The following BLTP1 variants were observed in gnomAD, a reference collection of about 807,000 sequenced individuals.
BLTP1 encodes bridge-like lipid transfer protein family member 1, also known as fragile site-associated protein.
At chr4:122,242,359 T>A in the BLTP1 span, among the ~76,000 whole-genome samples, 1 of 152,054 alleles carries the variant, frequency 6.6e-6, no homozygotes, top group Non-Finnish European at 1.5e-5. Flanking sequence ...CTCTGTTAAG[T>A]GAAATAAGTA....
the BLTP1 span, chr4:122,347,891 T>C: frequency 8.8e-5 from 57 of 644,978 alleles, no homozygotes; most frequent in Admixed American, 3.0e-4. Flanking sequence ...GAGGTTTTTA[T>C]GACACGTCAA....
the BLTP1 span, chr4:122,239,792 A>T: frequency 6.2e-7 from 1 of 1,614,200 alleles, no homozygotes; most frequent in Admixed American, 1.7e-5. Context: ...ATACACCATC[A>T]GCAGACTCTA....
At chr4:122,271,365 G>A in the BLTP1 span, 5 of 1,613,664 alleles carry the variant, frequency 3.1e-6, no homozygotes, top group African/African-American at 2.7e-5. Flanking sequence ...AGAAAACATC[G>A]GGACTTTCGT....
At chr4:122,250,052 A>G in the BLTP1 span, 1 of 846,028 alleles carries the variant, frequency 1.2e-6, no homozygotes, top group Non-Finnish European at 1.4e-6. Context: ...TCAGCGAAAA[A>G]TATCTACTTA....
At chr4:122,273,305 TA>T in the BLTP1 span, 1 of 983,984 alleles carries the variant, frequency 1.0e-6, no homozygotes, top group South Asian at 4.7e-5. Context: ...CTCAAAAAAC[TA>T]ATTTTAAATT....
the BLTP1 span, chr4:122,292,396 T>G: frequency 1.2e-6 from 1 of 829,802 alleles, no homozygotes; most frequent in Non-Finnish European, 1.5e-6. Flanking sequence ...CTCTAGACAT[T>G]TAGAGTATTA....
chr4:122,263,625 C>T, the BLTP1 span: 10 of 1,462,632 alleles, frequency 6.8e-6, no homozygotes, highest in Admixed American at 1.9e-4. Context: ...CATTATTTTG[C>T]TTAACTGTCT....
At chr4:122,249,781 A>AG in the BLTP1 span, 2 of 1,500,146 alleles carry the variant, frequency 1.3e-6, no homozygotes, top group Non-Finnish European at 1.8e-6. Flanking sequence ...ACCTGAATCA[A>AG]CATAATAAAG....
At chr4:122,274,072 C>T in the BLTP1 span, among the ~76,000 whole-genome samples, 1 of 151,808 alleles carries the variant, frequency 6.6e-6, no homozygotes, top group South Asian at 2.1e-4. Flanking sequence ...CTATGTAATG[C>T]CAGTAGACTA....
the BLTP1 span, among the ~76,000 whole-genome samples, chr4:122,294,644 G>A: frequency 2.8e-4 from 42 of 152,144 alleles, no homozygotes; most frequent in South Asian, 1.2e-3. Context: ...AGATATGCCC[G>A]CAAAGATGAG....
chr4:122,215,913 C>A, the BLTP1 span, among the ~76,000 whole-genome samples: 1 of 151,988 alleles, frequency 6.6e-6, no homozygotes, highest in East Asian at 1.9e-4. Flanking sequence ...GCTTATCCCC[C>A]ACTTATGAGT....
At chr4:122,291,848 G>A in the BLTP1 span, 2 of 978,964 alleles carry the variant, frequency 2.0e-6, no homozygotes, top group Non-Finnish European at 2.4e-6. Flanking sequence ...TTTGTGAATG[G>A]TTGAGCTTTT....
the BLTP1 span, chr4:122,186,118 C>A: frequency 6.2e-7 from 1 of 1,612,160 alleles, no homozygotes. Context: ...TTTATGGACG[C>A]CTTCAAGAGT....
At chr4:122,274,541 T>C in the BLTP1 span, 9 of 1,458,362 alleles carry the variant, frequency 6.2e-6, no homozygotes, top group South Asian at 1.1e-4. Context: ...ACAATATCAG[T>C]TCCCAGATAC....
At chr4:122,229,199 G>T in the BLTP1 span, 1 of 1,611,518 alleles carries the variant, frequency 6.2e-7, no homozygotes, top group African/African-American at 1.3e-5. Flanking sequence ...AGATGGAGCC[G>T]ATATTTACAT....
chr4:122,277,876 G>GA, the BLTP1 span, among the ~76,000 whole-genome samples: 2 of 152,124 alleles, frequency 1.3e-5, no homozygotes, highest in African/African-American at 4.8e-5. Flanking sequence ...AGGTGGAGAA[G>GA]AAAAGAGTTC....
chr4:122,307,247 T>C, the BLTP1 span, among the ~76,000 whole-genome samples: 2 of 152,100 alleles, frequency 1.3e-5, no homozygotes, highest in Middle Eastern at 3.2e-3. Flanking sequence ...TTTAAATAAT[T>C]TTGTGCATGA....
chr4:122,172,399 T>C, the BLTP1 span: 1 of 597,518 alleles, frequency 1.7e-6, no homozygotes, highest in Non-Finnish European at 2.1e-6. Context: ...TTTTTGAGAA[T>C]ATGAATTTTA....
the BLTP1 span, chr4:122,237,344 C>T: frequency 9.1e-6 from 9 of 985,244 alleles, no homozygotes; most frequent in South Asian, 3.8e-4. Context: ...AACTGTGAAA[C>T]AGTGGTGCTT....
Sources: allele counts gnomAD v4.1 joint callset (sites outside exome capture counted in the v4.1 genomes callset), GRCh38; gene constraint gnomAD v4.1.1; transcripts MANE v1.5; gene names NCBI Gene and HGNC (gene_info 2026-07-23, HGNC 2026-07-21).